FAM107A: variants seen among roughly 807,000 people sequenced by gnomAD.
FAM107A encodes the protein actin-associated protein FAM107A.
A neutral mutation model predicts 13.7 loss-of-function variants in FAM107A; 19 were observed. The ratio of observed to expected loss-of-function variants is 1.38; its 90% CI spans 0.97 to 2.03. The LOEUF (loss-of-function observed/expected upper bound fraction) is 2.03, where lower values mean the gene tolerates loss of function less well. FAM107A is among the 30% of genes most tolerant of loss of function. FAM107A has a pLI of 0.00. For missense variants in FAM107A, 203 were observed against 184.4 expected (o/e 1.10, Z -0.58); for synonymous variants, 82 against 74.5 (o/e 1.10, Z -0.52).
At chr3:58,575,524 C>G (rs2063723372) in intron 1 of FAM107A, among the ~76,000 whole-genome samples, 1 of 29,574 alleles carries the variant, frequency 3.4e-5, no homozygotes, top group Non-Finnish European at 2.0e-4. Context: ...AGCTACTTGT[C>G]TCGATACACA....
chr3:58,572,871 A>C (rs1303307016), intron 1 of FAM107A: 3 of 152,136 alleles, frequency 2.0e-5, no homozygotes, highest in Non-Finnish European at 2.9e-5. Context: ...CCCTTGGAAG[A>C]GGGGCCCTGT....
chr3:58,595,529 C>T (rs1283943749), intron 1 of FAM107A, among the ~76,000 whole-genome samples: 4 of 151,884 alleles, frequency 2.6e-5, no homozygotes, highest in Admixed American at 2.0e-4. Context: ...AGTCTCCCCG[C>T]CCTTGAGAAT....
chr3:58,621,172 G>C (rs190174190), intron 1 of FAM107A, among the ~76,000 whole-genome samples: 1 of 152,262 alleles, frequency 6.6e-6, no homozygotes, highest in East Asian at 1.9e-4. Flanking sequence ...AGAGTAAAAG[G>C]GGAGCCCGGA....
At chr3:58,586,066 C>T (rs2065602498) in intron 1 of FAM107A, among the ~76,000 whole-genome samples, 1 of 152,204 alleles carries the variant, frequency 6.6e-6, no homozygotes, top group African/African-American at 2.4e-5. Flanking sequence ...CAGTTGCTCT[C>T]CTAGATCTGC....
At chr3:58,599,696 A>ATTTTTT (rs57244654) in intron 1 of FAM107A, among the ~76,000 whole-genome samples, 1,332 of 78,430 alleles carry the variant, frequency 0.017, 310 homozygotes, top group Non-Finnish European at 0.026. Context: ...CAAGTGCACC[A>ATTTTTT]TTTTTTTTTT....
intron 1 of FAM107A, among the ~76,000 whole-genome samples, chr3:58,584,506 G>T (rs1175280637): frequency 2.0e-5 from 3 of 152,118 alleles, no homozygotes; most frequent in East Asian, 1.9e-4. Flanking sequence ...ACCTCTTTGT[G>T]GGGTAGAAAA....
intron 1 of FAM107A, among the ~76,000 whole-genome samples, chr3:58,603,239 A>G (rs1271330595): frequency 1.3e-5 from 2 of 152,156 alleles, no homozygotes; most frequent in Non-Finnish European, 2.9e-5. Flanking sequence ...GAAGCTCCCT[A>G]TGATCCCAGG....
upstream of FAM107A, among the ~76,000 whole-genome samples, chr3:58,588,815 G>A (rs58079511): frequency 0.08 from 12,213 of 151,806 alleles, 1,031 homozygotes; most frequent in African/African-American, 0.22. Flanking sequence ...GCACGCAACC[G>A]CAACTGGCTA....
chr3:58,614,960 C>T (rs985159568), intron 1 of FAM107A, among the ~76,000 whole-genome samples: 4 of 152,070 alleles, frequency 2.6e-5, no homozygotes, highest in African/African-American at 7.2e-5. Context: ...TGCACACTAC[C>T]ACATCTGGCT....
chr3:58,627,117 G>A, intron 1 of FAM107A: 1 of 931,356 alleles, frequency 1.1e-6, no homozygotes. Context: ...CTGTCCTCTT[G>A]CGGCTCATTC....
intron 1 of FAM107A, among the ~76,000 whole-genome samples, chr3:58,598,502 C>A (rs1402484588): frequency 6.6e-6 from 1 of 152,176 alleles, no homozygotes; most frequent in African/African-American, 2.4e-5. Flanking sequence ...AGCCACCCAC[C>A]CCCCAGCAGG....
chr3:58,584,968 T>C (rs115393586), intron 1 of FAM107A, among the ~76,000 whole-genome samples: 11,874 of 152,304 alleles, frequency 0.078, 541 homozygotes, highest in Non-Finnish European at 0.097. Flanking sequence ...GTTTGTGCGT[T>C]TTGTCCAATT....
upstream of FAM107A, among the ~76,000 whole-genome samples, chr3:58,580,507 T>C (rs914324274): frequency 2.0e-5 from 3 of 149,758 alleles, no homozygotes; most frequent in Non-Finnish European, 4.4e-5. Context: ...CTTGACCTCC[T>C]GGGATCAAGC....
intron 1 of FAM107A, among the ~76,000 whole-genome samples, chr3:58,606,924 A>G (rs1217762347): frequency 6.6e-6 from 1 of 152,136 alleles, no homozygotes; most frequent in Non-Finnish European, 1.5e-5. Flanking sequence ...CTGGCCCAGG[A>G]ATGAGGTCAA....
chr3:58,589,964 G>A (rs930476475), upstream of FAM107A, among the ~76,000 whole-genome samples: 1 of 152,168 alleles, frequency 6.6e-6, no homozygotes, highest in Non-Finnish European at 1.5e-5. Context: ...CATTCTTCAA[G>A]GGCCAAGTCA....
upstream of FAM107A, among the ~76,000 whole-genome samples, chr3:58,588,242 G>A (rs1344984565): frequency 6.6e-6 from 1 of 152,214 alleles, no homozygotes; most frequent in African/African-American, 2.4e-5. Flanking sequence ...TCTGTTCAAG[G>A]CTGTGTCTGA....
chr3:58,605,269 G>A (rs1476916557), intron 1 of FAM107A, among the ~76,000 whole-genome samples: 1 of 152,174 alleles, frequency 6.6e-6, no homozygotes, highest in Non-Finnish European at 1.5e-5. Flanking sequence ...CCCTATAACA[G>A]CTGCTCTCTG....
exon 1 of FAM107A, chr3:58,586,975 C>T: frequency 2.0e-6 from 3 of 1,496,572 alleles, no homozygotes; most frequent in Non-Finnish European, 8.9e-7. Context: ...CACTGCTGGC[C>T]CCGCGAGCGC....
chr3:58,571,554 A>C (rs1471949120), intron 1 of FAM107A, among the ~76,000 whole-genome samples: 1 of 152,170 alleles, frequency 6.6e-6, no homozygotes, highest in African/African-American at 2.4e-5. Context: ...TTACTTTAAA[A>C]TGGGCACTCG....
Sources: allele counts gnomAD v4.1 joint callset (sites outside exome capture counted in the v4.1 genomes callset), GRCh38; gene constraint gnomAD v4.1.1; transcripts MANE v1.5; gene names NCBI Gene and HGNC (gene_info 2026-07-23, HGNC 2026-07-21).